The following RESF1 variants were observed in gnomAD, a reference collection of about 807,000 sequenced individuals.
RESF1 encodes the protein gonad expressed transcript.
A neutral mutation model predicts 134.7 loss-of-function variants in RESF1; 65 were observed. The ratio of observed to expected loss-of-function variants is 0.48; its 90% confidence interval spans 0.40 to 0.59. The LOEUF is 0.59. Among genes scored for constraint, RESF1 ranks in the 20% least tolerant of loss-of-function variants. RESF1 has a pLI of 0.00. For missense variants in RESF1, 2,274 were observed against 2,002.7 expected (o/e 1.14, Z -2.59); for synonymous variants, 762 against 702.2 (o/e 1.09, Z -1.35).
At position 31,985,205 on chromosome 12, in the gene RESF1, G is replaced by C. The variant is rs1939936495; in HGVS notation, c.4250G>C (p.Arg1417Thr). The change falls in exon 4 of 6, where the codon AGA becomes ACA. Residue 1417 changes from arginine to threonine, a missense_variant. Arg to Thr is a moderately conservative substitution (Grantham distance 71). Transcript: ENST00000312561. ...LGDSLSNPNE[R>T]AIVKEKMVSN... ...GACTCTTTGTCAAACCCAAACGAAA[G>C]AGCCATTGTTAAAGAAAAGATGGTA... is the stretch of plus-strand genomic sequence containing the variant. The C allele has an allele frequency of 6.3e-7, 1 of 1,581,122 alleles. No homozygotes were observed. The highest frequency in any genetic ancestry group is 1.2e-5 in the South Asian group (1 of 84,388).
In RESF1 at chr12:31,987,266, A is replaced by G; in HGVS notation, c.5030A>G (p.Asp1677Gly). The change falls in exon 5 of 6, where the codon GAC becomes GGC. Residue 1677 changes from aspartate to glycine, a missense_variant. By Grantham distance (94) the Asp-to-Gly change is moderately conservative. Coordinates refer to ENST00000312561, the MANE Select transcript of RESF1 (RefSeq NM_018169.4). Reference protein sequence around the residue: ...QVSGIKSTKEDWLKFVATKKR... With the variant: ...QVSGIKSTKEGWLKFVATKKR... ...TCAGGAATAAAAAGTACAAAAGAAGACTGGTTAAAATTTGTTGCTACAAAG... is the reference window on the plus strand; with the variant it reads ...TCAGGAATAAAAAGTACAAAAGAAGGCTGGTTAAAATTTGTTGCTACAAAG... The G allele has an allele frequency of 1.3e-6, 2 of 1,595,390 alleles. No individual in the cohort carries two copies. Among genetic ancestry groups the G allele is most frequent in the Middle Eastern group, 1.7e-4 (1 of 6,024 alleles).
At chr12:31,990,441 TTTTA>T (rs150799616) in intron 5 of RESF1, among the ~76,000 whole-genome samples, 2,979 of 152,118 alleles carry the variant, frequency 0.02, 109 homozygotes, top group African/African-American at 0.068. Context: ...ATTTACTTAT[TTTTA>T]TTTATTTATT....
rs1190638988 is a variant in RESF1 at position 31,984,968 on chromosome 12, C to T, written c.4013C>T (p.Thr1338Ile). Residue 1338 changes from threonine to isoleucine, a missense_variant, in exon 4 of 6, where the codon ACA (threonine) becomes ATA (isoleucine). Physicochemically the swap from Thr to Ile is moderately conservative, Grantham distance 89. Transcript: ENST00000312561. ...AACTCACGTCCACTAAAAACAAAAA[C>T]AGCTTTTTTGCCAAATAAAGATGTG... Reference protein sequence around the residue: ...TQNSRPLKTKTAFLPNKDVYK... With the variant: ...TQNSRPLKTKIAFLPNKDVYK... 1 of 1,612,976 alleles carries T rather than the reference C, an allele frequency of 6.2e-7. No individual in the cohort carries two copies. Among genetic ancestry groups the T allele is most frequent in the African/African-American group, 1.3e-5 (1 of 74,892 alleles).
chr12:31,987,234 AAT>A lies in RESF1; in HGVS notation c.5003-3_5003-2del. ...CTAGAGTTCTGAAAATGAATATTTA[AAT>A]AGTTTCAGGAATAAAAAGTACAAAA... On this transcript the variant is annotated splice_polypyrimidine_tract_variant and splice_region_variant and intron_variant, in intron 4 of 5. Coordinates refer to ENST00000312561, the MANE Select transcript of RESF1 (RefSeq NM_018169.4). 3.4e-6 allele frequency: 5 copies of A among 1,452,480 alleles called. No individual in the cohort carries two copies. Among genetic ancestry groups the A allele is most frequent in the Non-Finnish European group, 4.8e-6 (5 of 1,035,624 alleles). 90.0% of individuals were successfully genotyped at this position (1,452,480 alleles called of 1,614,324 possible). A position where few individuals can be genotyped will look rare whatever the true frequency, so the allele number is the denominator to read the frequency against.
intron 5 of RESF1, 25 bp downstream of exon 5, chr12:31,987,347 A>G (rs1276722745): frequency 3.0e-6 from 4 of 1,318,342 alleles, no homozygotes; most frequent in Non-Finnish European, 3.3e-6. Flanking sequence ...TTAAATCTTC[A>G]TTCACTTATC....
intron 5 of RESF1, among the ~76,000 whole-genome samples, chr12:31,991,594 G>A (rs986517636): frequency 6.6e-6 from 1 of 151,860 alleles, no homozygotes; most frequent in African/African-American, 2.4e-5. Context: ...AGTGTATTTC[G>A]CATACCCATA....
chr12:31,973,968 C>T (rs554297889), intron 3 of RESF1, among the ~76,000 whole-genome samples: 3 of 152,136 alleles, frequency 2.0e-5, no homozygotes, highest in African/African-American at 4.8e-5. Context: ...CCCCTGACTT[C>T]GCCAGACCTG....
In RESF1 at chr12:31,985,901, T is replaced by A; in HGVS notation, c.4946T>A (p.Val1649Glu). The A allele has an allele frequency of 2.6e-6, 4 of 1,519,180 alleles. No homozygotes were observed. The highest frequency in any genetic ancestry group is 3.5e-6 in the Non-Finnish European group (4 of 1,142,034). The allele number at this position is 1,519,180 out of a possible 1,614,324, so 94.1% of individuals were successfully genotyped here. ...PDILLKNTNS[V>E]EERKDVKPHP... ...ATCTTACTAAAGAATACAAACTCTG[T>A]GGAAGAACGGAAGGATGTAAAGCCT... is the stretch of plus-strand genomic sequence containing the variant. Residue 1649 changes from valine (V) to glutamate (E), a missense_variant, in exon 4 of 6, where the codon GTG (valine) becomes GAG (glutamate). Val to Glu is a moderately radical substitution (Grantham distance 121). Transcript: ENST00000312561.
At chr12:31,962,933 A>C (rs561607777) in intron 2 of RESF1, among the ~76,000 whole-genome samples, 2 of 152,088 alleles carry the variant, frequency 1.3e-5, no homozygotes, top group African/African-American at 4.8e-5. Context: ...CTCCATCTCT[A>C]CTAAAAGTAC....
At chr12:31,968,743 C>G (rs1565838513) in intron 2 of RESF1, among the ~76,000 whole-genome samples, 1 of 152,158 alleles carries the variant, frequency 6.6e-6, no homozygotes, top group Non-Finnish European at 1.5e-5. Flanking sequence ...CCACCGCGCC[C>G]GGCCTAGGAC....
rs748808067 is a variant in RESF1 at position 31,983,836 on chromosome 12, C to T, written c.2881C>T (p.Gln961Ter). ...DFGFQKDKPV[Q>*]CTDVSHKICD... ...TGGTTTTCAAAAAGATAAACCTGTA[C>T]AGTGCACAGATGTTTCACATAAAAT... Residue 961 changes from glutamine to a stop codon, truncating the protein, a stop_gained, in exon 4 of 6, where the codon CAG becomes TAG. Coordinates refer to ENST00000312561, the MANE Select transcript of RESF1 (RefSeq NM_018169.4). LOFTEE classifies it high-confidence loss of function. 1 of 1,613,078 alleles carries T rather than the reference C, an allele frequency of 6.2e-7. No homozygotes were observed. Among genetic ancestry groups the T allele is most frequent in the African/African-American group, 1.3e-5 (1 of 74,904 alleles).
chr12:31,974,584 G>A (rs1020036635), intron 3 of RESF1, among the ~76,000 whole-genome samples: 1 of 151,938 alleles, frequency 6.6e-6, no homozygotes, highest in Non-Finnish European at 1.5e-5. Context: ...GATACTAGTC[G>A]GATTAGAGCC....
At chr12:31,960,292 G>A (rs796781367) in intron 1 of RESF1, among the ~76,000 whole-genome samples, 1 of 152,068 alleles carries the variant, frequency 6.6e-6, no homozygotes, top group South Asian at 2.1e-4. Flanking sequence ...CTTAACATAA[G>A]GATGTGTATG....
rs936607771 is a variant in RESF1 at position 31,959,495 on chromosome 12, A to G, written c.-342+4A>G. On this transcript the variant is annotated splice_donor_region_variant and intron_variant, in intron 1 of 5. Coordinates refer to ENST00000312561, the MANE Select transcript of RESF1 (RefSeq NM_018169.4). Reference sequence around the variant, plus strand: ...GGTGGTCCTCTTCCCTTTGTCGGTAAGTGTGAGACGAGCACCCCGAGGTCC... The same window carrying G: ...GGTGGTCCTCTTCCCTTTGTCGGTAGGTGTGAGACGAGCACCCCGAGGTCC... 1.3e-5 allele frequency: 2 copies of G among 152,226 alleles called. 1 individual carries two copies. The highest frequency in any genetic ancestry group is 6.3e-3 in the Middle Eastern group (2 of 318). 9.4% of individuals were successfully genotyped at this position (152,226 alleles called of 1,614,324 possible).
intron 1 of RESF1, among the ~76,000 whole-genome samples, chr12:31,960,521 A>G (rs1320475522): frequency 1.3e-5 from 2 of 152,206 alleles, no homozygotes; most frequent in African/African-American, 4.8e-5. Context: ...GTGCAGAGAT[A>G]AAGTATTATT....
chr12:31,969,511 AT>A (rs1165312715), intron 2 of RESF1, among the ~76,000 whole-genome samples: 9 of 152,348 alleles, frequency 5.9e-5, no homozygotes, highest in East Asian at 1.9e-4. Flanking sequence ...CTCAAAAAAA[AT>A]AAACCAAAAT....
chr12:31,987,412 G>A (rs990868539), intron 5 of RESF1, 90 bp downstream of exon 5: 1 of 708,908 alleles, frequency 1.4e-6, no homozygotes. Flanking sequence ...TGTAAAGTAT[G>A]ATTTTATCCA....
chr12:31,969,391 C>G (rs1939461838), intron 2 of RESF1, among the ~76,000 whole-genome samples: 1 of 152,206 alleles, frequency 6.6e-6, no homozygotes, highest in African/African-American at 2.4e-5. Flanking sequence ...GTAGTCCCAG[C>G]TGCTTGGGAA....
At chr12:31,979,121 T>C (rs559100433) in intron 3 of RESF1, among the ~76,000 whole-genome samples, 236 of 151,120 alleles carry the variant, frequency 1.6e-3, no homozygotes, top group African/African-American at 4.5e-3. Context: ...GGGGTTTCAC[T>C]GTGTTAGCCA....
Sources: gnomAD v4.1 joint callset for allele counts (sites outside exome capture counted in the v4.1 genomes callset) on GRCh38, gnomAD v4.1.1 for gene constraint, MANE v1.5 for transcripts, NCBI Gene and HGNC (gene_info 2026-07-23, HGNC 2026-07-21) for gene names.